The following KRT6C variants were observed in gnomAD, a reference collection of about 807,000 sequenced individuals.
KRT6C encodes the protein keratin 6C.
KRT6C carries 46 observed loss-of-function variants against 49.4 expected under a neutral mutation model. That is an observed-to-expected ratio of 0.93 (90% CI 0.74 to 1.19). KRT6C has a LOEUF of 1.19. KRT6C is among the 50% of genes most tolerant of loss of function. KRT6C has a pLI of 0.00. For synonymous variants in KRT6C, 236 were observed against 297.1 expected (o/e 0.79, Z 2.12); for missense variants, 552 against 737.5 (o/e 0.75, Z 2.91).
In KRT6C at chr12:52,468,819, G is replaced by A. The variant is rs983268936; in HGVS notation, c.*243C>T. Reference sequence around the variant, plus strand: ...AAGAAATTAATAATTTAGTAACAAAGTGAAGCTCCATTGGTGAATACATTA... The same window carrying A: ...AAGAAATTAATAATTTAGTAACAAAATGAAGCTCCATTGGTGAATACATTA... On this transcript the variant is annotated 3_prime_UTR_variant, in exon 9 of 9. Transcript: ENST00000252250. 5 of 561,548 alleles carry A rather than the reference G, an allele frequency of 8.9e-6. No individual in the cohort carries two copies. The highest frequency in any genetic ancestry group is 1.9e-5 in the African/African-American group (1 of 53,692). 34.8% of individuals were successfully genotyped at this position (561,548 alleles called of 1,614,324 possible).
intron 3 of KRT6C, 63 bp from the exon 4 acceptor site, chr12:52,471,579 A>C: frequency 6.5e-7 from 1 of 1,529,248 alleles, no homozygotes; most frequent in Non-Finnish European, 8.8e-7. Context: ...CCCATCTTCT[A>C]GTCCTCCTGC....
rs555814190 is a variant in KRT6C, at chr12:52,470,121, G to T, written c.1204-231C>A. The stretch of plus-strand genomic sequence containing the variant: ...ATGAGAATGTGCGTTGCATCTTATG[G>T]GAGACACTACAATGGACCCAAAAAC... On this transcript the variant is annotated intron_variant, in intron 6 of 8. Transcript: ENST00000252250. The T allele has an allele frequency of 5.9e-4, 376 of 640,466 alleles. 7 individuals carry two copies. The South Asian group carries it at 6.9e-3, about 12-fold the overall frequency. The allele number at this position is 640,466 out of a possible 1,614,324, so 39.7% of individuals were successfully genotyped here.
At position 52,469,163 on chromosome 12, in the gene KRT6C, C is replaced by T. The variant is rs1362726578; in HGVS notation, c.1594G>A (p.Gly532Ser). The T allele has an allele frequency of 1.9e-6, 3 of 1,614,008 alleles. No homozygotes were observed. Among genetic ancestry groups the T allele is most frequent in the Non-Finnish European group, 1.7e-6 (2 of 1,179,894 alleles). The change falls in exon 9 of 9, where the codon GGC (glycine) becomes AGC (serine). Residue 532 changes from glycine (G) to serine (S), a missense_variant. By Grantham distance (56) the Gly-to-Ser change is moderately conservative (BLOSUM62 0). Transcript: ENST00000252250. Reference protein sequence around the residue: ...GIGGGFSSSSGRAIGGGLSSV... With the variant: ...GIGGGFSSSSSRAIGGGLSSV... ...CTGAGGCCACCCCCAATGGCTCTGCCACTGCTGGAACTGAAGCCACCTCCA... is the reference window on the plus strand; with the variant it reads ...CTGAGGCCACCCCCAATGGCTCTGCTACTGCTGGAACTGAAGCCACCTCCA...
Position 52,469,446 on chromosome 12 carries a change from C to T in KRT6C, c.1425-1G>A, listed in dbSNP as rs1295675172. The T allele has an allele frequency of 6.2e-7, 1 of 1,613,964 alleles. No homozygotes were observed. The highest frequency in any genetic ancestry group is 1.7e-5 in the Admixed American group (1 of 60,020). On this transcript the variant is annotated splice_acceptor_variant, in intron 7 of 8. Transcript: ENST00000252250. LOFTEE classifies it high-confidence loss of function. Reference sequence around the variant, plus strand: ...TTGTCCAACGCCTTCGCCATTCAGCCTGTGGAGAGGAACACAGGGAGGGTG... The same window carrying T: ...TTGTCCAACGCCTTCGCCATTCAGCTTGTGGAGAGGAACACAGGGAGGGTG...
intron 6 of KRT6C, 22 bp downstream of exon 6, chr12:52,470,483 C>G (rs1014583531): frequency 6.2e-7 from 1 of 1,614,006 alleles, no homozygotes; most frequent in African/African-American, 1.3e-5. Flanking sequence ...ATGCTTCTTT[C>G]CTCCACTGCA....
Position 52,468,747 on chromosome 12 carries a change from A to G in KRT6C, c.*315T>C, listed in dbSNP as rs906474677. On this transcript the variant is annotated 3_prime_UTR_variant, in exon 9 of 9. Transcript: ENST00000252250. ...TTTTCAGTAATGAAAAGGAACAGAG[A>G]TCATTTTCTTATAATGCTCAGCCTC... The G allele has an allele frequency of 5.3e-6, 2 of 377,116 alleles. No homozygotes were observed. Among genetic ancestry groups the G allele is most frequent in the African/African-American group, 4.0e-5 (2 of 49,950 alleles). The allele number at this position is 377,116 out of a possible 1,614,324, so 23.4% of individuals were successfully genotyped here.
At chr12:52,472,876 A>G (rs570451287) in intron 1 of KRT6C, among the ~76,000 whole-genome samples, 18 of 140,278 alleles carry the variant, frequency 1.3e-4, no homozygotes, top group African/African-American at 4.4e-4. Flanking sequence ...CAGCCCATAT[A>G]CTCCTGGCAT....
intron 6 of KRT6C, 45 bp from the exon 7 acceptor site, chr12:52,469,935 G>C: frequency 6.2e-7 from 1 of 1,608,012 alleles, no homozygotes; most frequent in Non-Finnish European, 8.5e-7. Flanking sequence ...CTGCTCCTCC[G>C]GAGGAGGCTG....
intron 6 of KRT6C, 76 bp from the exon 7 acceptor site, chr12:52,469,966 G>A (rs1937845472): frequency 6.4e-7 from 1 of 1,552,612 alleles, no homozygotes; most frequent in East Asian, 2.3e-5. Flanking sequence ...AGTGAACCAG[G>A]GTCCTGTAAC....
chr12:52,473,708 G>A lies in KRT6C; in HGVS notation c.30C>T (p.Ser10=). MASTSTTIR[S]HSSSRRGFSA... is the part of the protein sequence containing the mutation. ...TGAAACCCCGGCGGCTGCTGCTGTG[G>A]CTCCTGATGGTGGTGGATGTGCTGG... The change falls in exon 1 of 9, where the codon AGC becomes AGT. Residue 10 remains serine, a synonymous_variant. Transcript: ENST00000252250. The A allele has an allele frequency of 1.2e-6, 2 of 1,613,782 alleles. No homozygotes were observed. Among genetic ancestry groups the A allele is most frequent in the African/African-American group, 1.3e-5 (1 of 75,000 alleles).
At chr12:52,470,272 G>A (rs1376950129) in intron 6 of KRT6C, 3 of 659,650 alleles carry the variant, frequency 4.5e-6, no homozygotes, top group Non-Finnish European at 7.9e-6. Context: ...CTGTAGGGGA[G>A]GTGGTAACTT....
rs760585122 is a variant in KRT6C at position 52,469,108 on chromosome 12, T to A, written c.1649A>T (p.Lys550Met). Reference sequence around the variant, plus strand: ...GCTGGAGGAGGAGGTGGTGGTGTACTTGATGGTGGAACTGCCGCCTCCAAC... The same window carrying A: ...GCTGGAGGAGGAGGTGGTGGTGTACATGATGGTGGAACTGCCGCCTCCAAC... The part of the protein sequence containing the change: ...SSVGGGSSTI[K>M]YTTTSSSSRK... Residue 550 changes from lysine (K) to methionine (M), a missense_variant, in exon 9 of 9, where the codon AAG (lysine) becomes ATG (methionine). Physicochemically the swap from Lys to Met is moderately conservative, Grantham distance 95. Coordinates refer to ENST00000252250, the MANE Select transcript of KRT6C (RefSeq NM_173086.5). The A allele has an allele frequency of 6.2e-7, 1 of 1,613,906 alleles. No homozygotes were observed. The highest frequency in any genetic ancestry group is 8.5e-7 in the Non-Finnish European group (1 of 1,179,942).
chr12:52,469,661 G>A lies in KRT6C; in HGVS notation c.1424+9C>T. The A allele has an allele frequency of 6.2e-7, 1 of 1,614,220 alleles. No individual in the cohort carries two copies. The highest frequency in any genetic ancestry group is 8.5e-7 in the Non-Finnish European group (1 of 1,180,032). ...TCAGCTGTTGGAGGAAGTCGCGTCA[G>A]TTACCTACCTGCACTCCTCGCCCTC... On this transcript the variant is annotated intron_variant, in intron 7 of 8. Coordinates refer to ENST00000252250, the MANE Select transcript of KRT6C (RefSeq NM_173086.5).
chr12:52,469,611 A>G, intron 7 of KRT6C, 59 bp downstream of exon 7: 1 of 1,614,056 alleles, frequency 6.2e-7, no homozygotes, highest in Non-Finnish European at 8.5e-7. Context: ...AATTGTGCTC[A>G]GTGCCAGGAA....
chr12:52,472,464 G>A (rs540687238), intron 1 of KRT6C, among the ~76,000 whole-genome samples, 184 bp from the exon 2 acceptor site: 1 of 135,454 alleles, frequency 7.4e-6, no homozygotes, highest in Non-Finnish European at 1.7e-5. Flanking sequence ...AGTCTCACTA[G>A]AGAAATTGTC....
rs112236458 is a variant in KRT6C at position 52,472,432 on chromosome 12, C to T, written c.541-152G>A. 254 of 754,340 alleles carry T rather than the reference C, an allele frequency of 3.4e-4. 51 individuals carry two copies. In the Admixed American group the frequency reaches 4.1e-3, roughly 12 times the overall value. 46.7% of individuals were successfully genotyped at this position (754,340 alleles called of 1,614,324 possible). ...TCAGGCTGAGCTCTGCTCCCCCAAC[C>T]CCTTCTCCTTTGCACCCCACCAGTC... On this transcript the variant is annotated intron_variant, in intron 1 of 8. Transcript: ENST00000252250.
Position 52,473,717 on chromosome 12 carries a change from G to A in KRT6C, c.21C>T (p.Thr7=), listed in dbSNP as rs1937936200. The change falls in exon 1 of 9, where the codon ACC becomes ACT. Residue 7 remains threonine, a synonymous_variant. Coordinates refer to ENST00000252250, the MANE Select transcript of KRT6C (RefSeq NM_173086.5). Reference sequence around the variant, plus strand: ...GGCGGCTGCTGCTGTGGCTCCTGATGGTGGTGGATGTGCTGGCCATGGTTC... The same window carrying A: ...GGCGGCTGCTGCTGTGGCTCCTGATAGTGGTGGATGTGCTGGCCATGGTTC... MASTST[T]IRSHSSSRRG... 1 of 1,613,830 alleles carries A rather than the reference G, an allele frequency of 6.2e-7. No homozygotes were observed. The highest frequency in any genetic ancestry group is 8.5e-7 in the Non-Finnish European group (1 of 1,180,024).
chr12:52,469,113 G>A lies in KRT6C; in HGVS notation c.1644C>T (p.Thr548=), dbSNP rs764218523. 1.2e-6 allele frequency: 2 copies of A among 1,614,056 alleles called. No individual in the cohort carries two copies. The highest frequency in any genetic ancestry group is 3.3e-5 in the Admixed American group (2 of 60,024). Residue 548 remains threonine, a synonymous_variant, in exon 9 of 9, where the codon ACC becomes ACT. Transcript: ENST00000252250. ...AGGAGGAGGTGGTGGTGTACTTGAT[G>A]GTGGAACTGCCGCCTCCAACAGAGC... ...GLSSVGGGSS[T]IKYTTTSSSS...
chr12:52,471,355 C>T (rs1260275451), intron 4 of KRT6C, 59 bp from the exon 5 acceptor site: 12 of 1,614,210 alleles, frequency 7.4e-6, no homozygotes, highest in Middle Eastern at 1.6e-4. Flanking sequence ...AGATACCCAA[C>T]CCTATACATC....
Sources: allele counts gnomAD v4.1 joint callset (sites outside exome capture counted in the v4.1 genomes callset), GRCh38; gene constraint gnomAD v4.1.1; transcripts MANE v1.5; gene names NCBI Gene and HGNC (gene_info 2026-07-23, HGNC 2026-07-21).